CRYL1: variants seen among roughly 807,000 people sequenced by gnomAD.
CRYL1 encodes the protein crystallin lambda 1, also known as lambda-crystallin homolog.
In CRYL1, 29 loss-of-function variants were observed where a neutral mutation model predicts 36.6. The ratio of observed to expected loss-of-function variants is 0.79; its 90% CI spans 0.59 to 1.08. The LOEUF (loss-of-function observed/expected upper bound fraction) is 1.08. CRYL1 is among the 50% of genes least tolerant of loss of function. The pLI is 0.00. For missense variants in CRYL1, 411 were observed against 407.9 expected, an observed-to-expected ratio of 1.01 and a Z score of -0.06; for synonymous variants, 152 against 151.5, an observed-to-expected ratio of 1.00 and a Z score of -0.02.
intron 3 of CRYL1, among the ~76,000 whole-genome samples, chr13:20,486,590 A>G (rs2033405780): frequency 6.6e-6 from 1 of 152,098 alleles, no homozygotes; most frequent in African/African-American, 2.4e-5. Flanking sequence ...GAGGTACAAC[A>G]ATTTCTGAAG....
At chr13:20,431,124 A>G (rs2032048845) in intron 5 of CRYL1, 1 of 985,312 alleles carries the variant, frequency 1.0e-6, no homozygotes, top group African/African-American at 1.7e-5. Context: ...GGGAGGCCAC[A>G]TCTGTGATGC....
At chr13:20,449,906 AAGG>A (rs2032532856) in intron 3 of CRYL1, among the ~76,000 whole-genome samples, 1 of 152,200 alleles carries the variant, frequency 6.6e-6, no homozygotes, top group African/African-American at 2.4e-5. Context: ...AGATCTCTAT[AAGG>A]AGAACTAAAA....
intron 3 of CRYL1, among the ~76,000 whole-genome samples, chr13:20,484,249 T>G (rs2033348765): frequency 6.6e-6 from 1 of 152,154 alleles, no homozygotes; most frequent in African/African-American, 2.4e-5. Context: ...AGGGTGCCAC[T>G]GGCAAAAAGT....
chr13:20,482,762 CGT>C (rs1194969217), intron 3 of CRYL1, among the ~76,000 whole-genome samples: 8 of 140,784 alleles, frequency 5.7e-5, no homozygotes, highest in South Asian at 2.4e-4. Flanking sequence ...TGTGTGCGCG[CGT>C]GTGTGTGCGC....
intron 4 of CRYL1, 74 bp from the exon 5 acceptor site, chr13:20,432,370 G>A: frequency 9.3e-7 from 1 of 1,073,160 alleles, no homozygotes; most frequent in Non-Finnish European, 1.4e-6. Flanking sequence ...ACCCTGAATG[G>A]TCAGGAGCAG....
Position 20,525,595 on chromosome 13 carries a change from CCAGCGCCGTAGGGGCCGCAGGGCG to C in CRYL1, c.41+135_41+158del. On this transcript the variant is annotated intron_variant, in intron 1 of 7. Coordinates refer to ENST00000298248, the MANE Select transcript of CRYL1 (RefSeq NM_015974.3). The surrounding 1 kb of genome is among the most constrained non-coding windows in gnomAD (Gnocchi z 4.3). ...CCAGCCGCGCCTCTCCCCGAGCCCGCCAGCGCCGTAGGGGCCGCAGGGCGCAGGGCTTCGGAGGACCGGAGGCCG... is the reference window on the plus strand; with the variant it reads ...CCAGCCGCGCCTCTCCCCGAGCCCGCCAGGGCTTCGGAGGACCGGAGGCCG... 6.6e-6 allele frequency among the ~76,000 whole-genome samples: 1 copy of C among 152,258 alleles called. No individual in the cohort carries two copies.
At chr13:20,465,798 T>C (rs1269834172) in intron 3 of CRYL1, among the ~76,000 whole-genome samples, 2 of 152,156 alleles carry the variant, frequency 1.3e-5, no homozygotes, top group African/African-American at 4.8e-5. Context: ...CCAAATCTCA[T>C]GATAAAATGT....
At chr13:20,438,324 C>T (rs2032279164) in intron 4 of CRYL1, among the ~76,000 whole-genome samples, 1 of 152,144 alleles carries the variant, frequency 6.6e-6, no homozygotes, top group Non-Finnish European at 1.5e-5. Flanking sequence ...CCTGCTCACT[C>T]ATGCTTGGAC....
chr13:20,423,722 CG>C (rs1482920211), intron 5 of CRYL1, among the ~76,000 whole-genome samples: 1 of 148,404 alleles, frequency 6.7e-6, no homozygotes, highest in Non-Finnish European at 1.5e-5. Flanking sequence ...GAGGCTCTCT[CG>C]GTGGACACTG....
At chr13:20,440,917 C>T (rs1360581812) in intron 3 of CRYL1, among the ~76,000 whole-genome samples, 2 of 152,202 alleles carry the variant, frequency 1.3e-5, no homozygotes, top group African/African-American at 4.8e-5. Context: ...CACCTTCAAA[C>T]ATCCAGCGCT....
chr13:20,411,442 A>G (rs1413741696), intron 6 of CRYL1, among the ~76,000 whole-genome samples: 1 of 152,104 alleles, frequency 6.6e-6, no homozygotes, highest in Non-Finnish European at 1.5e-5. Context: ...TTCTGTCCCT[A>G]TCTATTTCTT....
intron 5 of CRYL1, among the ~76,000 whole-genome samples, chr13:20,417,159 C>G (rs1213606365): frequency 6.6e-6 from 1 of 152,152 alleles, no homozygotes; most frequent in Non-Finnish European, 1.5e-5. Context: ...GAGTTTCTCC[C>G]TGCTGCACTT....
chr13:20,477,556 G>A lies in CRYL1; in HGVS notation c.276+11814C>T, dbSNP rs191855911. ...GTGGGTCATTTTGCATAAAATGGGCGGCACAGGACCTGGCCCATAGTAAGA... is the reference window on the plus strand; with the variant it reads ...GTGGGTCATTTTGCATAAAATGGGCAGCACAGGACCTGGCCCATAGTAAGA... On this transcript the variant is annotated intron_variant, in intron 3 of 7. Transcript: ENST00000298248. 2.2e-4 allele frequency among the ~76,000 whole-genome samples: 33 copies of A among 150,014 alleles called. No homozygotes were observed. The East Asian group carries it at 4.3e-3, about 19-fold the overall frequency.
intron 5 of CRYL1, among the ~76,000 whole-genome samples, chr13:20,424,811 G>A (rs912805538): frequency 2.6e-5 from 4 of 152,120 alleles, no homozygotes; most frequent in Non-Finnish European, 5.9e-5. Flanking sequence ...AAAAGGCAGC[G>A]CTGAGATACA....
At chr13:20,439,514 C>CACAAAAAA in intron 4 of CRYL1, 79 bp downstream of exon 4, 1 of 330,902 alleles carries the variant, frequency 3.0e-6, no homozygotes, top group Non-Finnish European at 4.6e-6. Context: ...CCCTCCCCCG[C>CACAAAAAA]AAAAAAAAAA....
chr13:20,434,481 C>T (rs910235209), intron 4 of CRYL1, among the ~76,000 whole-genome samples: 6 of 151,888 alleles, frequency 4.0e-5, no homozygotes, highest in South Asian at 2.1e-4. Context: ...AGTAGCTAAT[C>T]GGGGGAAGGA....
intron 5 of CRYL1, chr13:20,431,064 T>C (rs963530918): frequency 4.5e-5 from 44 of 985,226 alleles, no homozygotes; most frequent in Non-Finnish European, 5.3e-5. Flanking sequence ...GGCAGTCCAG[T>C]CAGACAATGT....
intron 2 of CRYL1, among the ~76,000 whole-genome samples, chr13:20,506,198 C>A (rs1271346992): frequency 6.6e-6 from 1 of 152,186 alleles, no homozygotes; most frequent in Non-Finnish European, 1.5e-5. Flanking sequence ...GGTAGTTGGT[C>A]ACAAGATATC....
rs753921877 is a variant in CRYL1, at chr13:20,489,512, G to A, written c.150-16C>T. The A allele has an allele frequency of 6.2e-7, 1 of 1,611,838 alleles. No homozygotes were observed. Among genetic ancestry groups the A allele is most frequent in the South Asian group, 1.1e-5 (1 of 91,078 alleles). On this transcript the variant is annotated splice_polypyrimidine_tract_variant and intron_variant, in intron 2 of 7. Transcript: ENST00000298248. ...CATCTCCTTTCTGGAAAGGCAGAGAGAAGGATCACTGTGAGTATTCAACAC... is the reference window on the plus strand; with the variant it reads ...CATCTCCTTTCTGGAAAGGCAGAGAAAAGGATCACTGTGAGTATTCAACAC...
Sources: gnomAD v4.1 joint callset for allele counts (sites outside exome capture counted in the v4.1 genomes callset) on GRCh38, gnomAD v4.1.1 for gene constraint, Gnocchi (gnomAD v3.1) non-coding constraint, MANE v1.5 for transcripts, NCBI Gene and HGNC (gene_info 2026-07-23, HGNC 2026-07-21) for gene names.